The following SCYL2 variants were observed in gnomAD, a reference collection of about 807,000 sequenced individuals.
The protein encoded by SCYL2 is SCY1-like protein 2.
SCYL2 carries 36 observed loss-of-function variants against 100.4 expected under a neutral mutation model. That is an observed-to-expected ratio of 0.36 (90% confidence interval 0.27 to 0.47). SCYL2 has a LOEUF of 0.47. SCYL2 is among the 20% of genes least tolerant of loss of function. SCYL2 has a pLI of 1.00. For synonymous variants in SCYL2, 330 were observed against 359.2 expected (o/e 0.92, Z 0.92); for missense variants, 902 against 1,083.9 (o/e 0.83, Z 2.36).
intron 13 of SCYL2, among the ~76,000 whole-genome samples, chr12:100,330,830 CTTTT>C (rs71088179): frequency 2.2e-5 from 3 of 134,090 alleles, no homozygotes; most frequent in Admixed American, 7.4e-5. Context: ...AATTTTTTTT[CTTTT>C]TTTTTTTTTT....
At chr12:100,334,002 C>T (rs2373332) in intron 13 of SCYL2, 164 bp from the exon 14 acceptor site, 66 of 499,924 alleles carry the variant, frequency 1.3e-4, no homozygotes, top group Non-Finnish European at 2.1e-4. Flanking sequence ...TATGATATGC[C>T]GAATTTAAAT....
chr12:100,291,255 A>G (rs554722597), intron 2 of SCYL2, among the ~76,000 whole-genome samples: 2 of 152,308 alleles, frequency 1.3e-5, no homozygotes, highest in East Asian at 1.9e-4. Flanking sequence ...TACACAATTA[A>G]TATGTACCTG....
chr12:100,289,090 A>G (rs1319556242), intron 2 of SCYL2, among the ~76,000 whole-genome samples: 1 of 152,172 alleles, frequency 6.6e-6, no homozygotes, highest in African/African-American at 2.4e-5. Context: ...GAATGGCAAG[A>G]TGAGAACTTG....
intron 4 of SCYL2, among the ~76,000 whole-genome samples, chr12:100,305,087 C>G (rs185794637): frequency 2.0e-4 from 30 of 152,208 alleles, no homozygotes; most frequent in African/African-American, 7.2e-4. Context: ...CAATATTAGA[C>G]AGATCAACGA....
At chr12:100,337,942 C>G (rs1952300506) in intron 17 of SCYL2, among the ~76,000 whole-genome samples, 1 of 152,150 alleles carries the variant, frequency 6.6e-6, no homozygotes, top group Non-Finnish European at 1.5e-5. Context: ...CTCCTGTGTT[C>G]CAGGCACTGT....
intron 13 of SCYL2, among the ~76,000 whole-genome samples, chr12:100,330,725 G>C (rs745489101): frequency 2.6e-5 from 4 of 152,072 alleles, no homozygotes; most frequent in Non-Finnish European, 5.9e-5. Context: ...TGAGTGAGCA[G>C]AGTTTTGGAG....
chr12:100,330,807 GT>G (rs1363399072), intron 13 of SCYL2, among the ~76,000 whole-genome samples: 3 of 150,120 alleles, frequency 2.0e-5, no homozygotes, highest in Non-Finnish European at 4.4e-5. Flanking sequence ...CTGAAAATTT[GT>G]TCCTAGGTTT....
At chr12:100,276,397 A>G (rs531403401) in intron 1 of SCYL2, among the ~76,000 whole-genome samples, 2 of 152,266 alleles carry the variant, frequency 1.3e-5, no homozygotes, top group East Asian at 1.9e-4. Context: ...GAGTGGCACA[A>G]TCATGGCTCA....
chr12:100,289,834 A>C (rs2096308549), intron 2 of SCYL2, among the ~76,000 whole-genome samples: 1 of 152,176 alleles, frequency 6.6e-6, no homozygotes, highest in Non-Finnish European at 1.5e-5. Context: ...TATTGGGTTT[A>C]TATCACATCA....
chr12:100,294,361 G>A (rs1379124708), intron 3 of SCYL2, among the ~76,000 whole-genome samples: 4 of 113,308 alleles, frequency 3.5e-5, no homozygotes, highest in South Asian at 3.2e-4. Context: ...CTCCCAGACG[G>A]GGCGGCTGGC....
chr12:100,334,124 A>G (rs764114371), intron 13 of SCYL2, 42 bp from the exon 14 acceptor site: 4 of 1,126,122 alleles, frequency 3.6e-6, no homozygotes, highest in Non-Finnish European at 5.3e-6. Context: ...ATTTGCTGCT[A>G]ACTTGAAACA....
intron 13 of SCYL2, among the ~76,000 whole-genome samples, chr12:100,332,887 G>A (rs896759470): frequency 6.6e-6 from 1 of 151,542 alleles, no homozygotes; most frequent in Non-Finnish European, 1.5e-5. Context: ...GCTAATTTTT[G>A]TATTTTTTTG....
intron 4 of SCYL2, among the ~76,000 whole-genome samples, chr12:100,301,836 G>A (rs1253767553): frequency 6.6e-6 from 1 of 152,198 alleles, no homozygotes; most frequent in Admixed American, 6.5e-5. Flanking sequence ...CAAATAAAGG[G>A]AGTCTTTCAC....
At chr12:100,294,243 G>C (rs1211949998) in intron 3 of SCYL2, among the ~76,000 whole-genome samples, 6 of 140,698 alleles carry the variant, frequency 4.3e-5, no homozygotes, top group Non-Finnish European at 6.2e-5. Flanking sequence ...GGGGTGGCTG[G>C]CCAGGTGGGG....
chr12:100,281,255 G>A (rs891591659), intron 1 of SCYL2, among the ~76,000 whole-genome samples: 11 of 151,838 alleles, frequency 7.2e-5, no homozygotes, highest in African/African-American at 9.7e-5. Flanking sequence ...TCTTGAACTC[G>A]TGAGCTCAAG....
chr12:100,278,892 T>C (rs1425864656), intron 1 of SCYL2, among the ~76,000 whole-genome samples: 3 of 152,158 alleles, frequency 2.0e-5, no homozygotes, highest in Non-Finnish European at 4.4e-5. Flanking sequence ...CCTCCCAAAG[T>C]GCTGGGATTA....
chr12:100,321,341 C>T (rs2096355539), intron 10 of SCYL2, among the ~76,000 whole-genome samples: 1 of 152,140 alleles, frequency 6.6e-6, no homozygotes, highest in Non-Finnish European at 1.5e-5. Flanking sequence ...TTTGTGCTTC[C>T]GTTTTCCTCA....
At chr12:100,334,399 T>C in intron 14 of SCYL2, 133 bp downstream of exon 14, 2 of 650,440 alleles carry the variant, frequency 3.1e-6, no homozygotes, top group South Asian at 3.4e-5. Context: ...TTTCAAAATT[T>C]ACCATCATGT....
chr12:100,308,568 A>G (rs779595768), intron 4 of SCYL2, among the ~76,000 whole-genome samples: 4 of 152,154 alleles, frequency 2.6e-5, no homozygotes, highest in African/African-American at 4.8e-5. Context: ...GCAAACCACC[A>G]TGGCACGTGT....
Sources: gnomAD v4.1 joint callset for allele counts (sites outside exome capture counted in the v4.1 genomes callset) on GRCh38, gnomAD v4.1.1 for gene constraint, MANE v1.5 for transcripts, NCBI Gene and HGNC (gene_info 2026-07-23, HGNC 2026-07-21) for gene names.